The following FHIT variants were observed in gnomAD, a reference collection of about 807,000 sequenced individuals.
The protein encoded by FHIT is bis(5'-adenosyl)-triphosphatase.
A neutral mutation model predicts 17.9 loss-of-function variants in FHIT; 19 were observed. That is an observed-to-expected ratio of 1.06 (90% CI 0.74 to 1.56). The LOEUF is 1.56. FHIT is among the 40% of genes most tolerant of loss of function. The probability of loss-of-function intolerance (pLI) is 0.00; values close to 1 mark genes in which losing one functional copy is unlikely to be tolerated. For synonymous variants in FHIT, 81 were observed against 69.7 expected (o/e 1.16, Z -0.81); for missense variants, 248 against 189.2 (o/e 1.31, Z -1.82).
At chr3:60,570,126 G>C (rs2037323339) in intron 4 of FHIT, among the ~76,000 whole-genome samples, 1 of 151,996 alleles carries the variant, frequency 6.6e-6, no homozygotes, top group Non-Finnish European at 1.5e-5. Context: ...AAGCTCCCCA[G>C]GTAATTCCAT....
rs117257128 is a variant in FHIT, at chr3:61,242,167, C to A, written c.-213+9134G>T. ...ATGCATTTTCTATGAGTCAGAAAAA[C>A]AACTTTCCAAAGGAAAGGGTCTGAA... On this transcript the variant is annotated intron_variant, in intron 1 of 9. Coordinates refer to ENST00000492590, the MANE Select transcript of FHIT (RefSeq NM_002012.4). Among the ~76,000 whole-genome samples the A allele has an allele frequency of 4.6e-3, 703 of 152,092 alleles. 7 individuals carry two copies. Among genetic ancestry groups the A allele is most frequent in the East Asian group, 0.038 (197 of 5,164 alleles).
intron 8 of FHIT, among the ~76,000 whole-genome samples, chr3:59,795,492 T>C (rs1699742864): frequency 6.6e-6 from 1 of 151,768 alleles, no homozygotes; most frequent in African/African-American, 2.4e-5. Flanking sequence ...AGAGTGAGGG[T>C]AAGTTTAATT....
At chr3:60,495,240 T>C (rs1360900752) in intron 5 of FHIT, among the ~76,000 whole-genome samples, 1 of 151,694 alleles carries the variant, frequency 6.6e-6, no homozygotes, top group African/African-American at 2.4e-5. Flanking sequence ...TGAGCACCTT[T>C]TCATATGCCT....
intron 8 of FHIT, among the ~76,000 whole-genome samples, chr3:59,774,694 A>T (rs756495049): frequency 9.9e-5 from 15 of 152,182 alleles, no homozygotes; most frequent in African/African-American, 1.7e-4. Context: ...TTAAAGACCT[A>T]GGAGAGTGGC....
At chr3:60,659,925 C>G (rs568963470) in intron 4 of FHIT, among the ~76,000 whole-genome samples, 9 of 152,092 alleles carry the variant, frequency 5.9e-5, no homozygotes, top group African/African-American at 2.2e-4. Flanking sequence ...TCCCCTTCCC[C>G]AGGGTTTGCT....
intron 5 of FHIT, among the ~76,000 whole-genome samples, chr3:60,242,069 C>A (rs570294934): frequency 2.0e-5 from 3 of 151,842 alleles, no homozygotes; most frequent in African/African-American, 7.3e-5. Flanking sequence ...TACACTAAAA[C>A]TTCATTGATT....
intron 5 of FHIT, among the ~76,000 whole-genome samples, chr3:60,317,617 ATGTGTG>A (rs71950103): frequency 1.1e-4 from 15 of 141,024 alleles, no homozygotes; most frequent in Middle Eastern, 7.2e-3. Flanking sequence ...GTAATTATAT[ATGTGTG>A]TGTGTGTGTG....
intron 8 of FHIT, among the ~76,000 whole-genome samples, chr3:59,855,894 C>T (rs1702135145): frequency 6.6e-6 from 1 of 151,682 alleles, no homozygotes; most frequent in African/African-American, 2.4e-5. Context: ...CATTTTCCTG[C>T]CTCAGCCTCC....
intron 3 of FHIT, among the ~76,000 whole-genome samples, chr3:61,006,301 T>C (rs1377936992): frequency 1.3e-5 from 2 of 152,178 alleles, no homozygotes; most frequent in African/African-American, 4.8e-5. Flanking sequence ...GCAGTATTTT[T>C]TAAGGAAATT....
intron 5 of FHIT, among the ~76,000 whole-genome samples, chr3:60,419,676 TTCTC>T (rs1702398226): frequency 6.6e-6 from 1 of 152,164 alleles, no homozygotes; most frequent in Non-Finnish European, 1.5e-5. Context: ...AGTTCCGTCT[TTCTC>T]TAATTTCTTA....
At chr3:61,108,864 G>T (rs2036070586) in intron 2 of FHIT, among the ~76,000 whole-genome samples, 1 of 152,112 alleles carries the variant, frequency 6.6e-6, no homozygotes, top group Non-Finnish European at 1.5e-5. Context: ...TATGATTAAG[G>T]TTTCCTCTTT....
rs371937112 is a variant in FHIT at position 59,948,010 on chromosome 3, T to C, written c.280-25596A>G. Among the ~76,000 whole-genome samples the C allele has an allele frequency of 3.3e-5, 5 of 152,304 alleles. No homozygotes were observed. The East Asian group carries it at 5.8e-4, about 18-fold the overall frequency. On this transcript the variant is annotated intron_variant, in intron 7 of 9. Coordinates refer to ENST00000492590, the MANE Select transcript of FHIT (RefSeq NM_002012.4). Reference sequence around the variant, plus strand: ...CTTTTTATTGCTGGGTAATATTCTATGGTATAGATGTACCACTGTTTGTTT... The same window carrying C: ...CTTTTTATTGCTGGGTAATATTCTACGGTATAGATGTACCACTGTTTGTTT...
intron 4 of FHIT, among the ~76,000 whole-genome samples, chr3:60,743,071 C>T (rs782448280): frequency 7.9e-5 from 12 of 152,112 alleles, no homozygotes; most frequent in Non-Finnish European, 1.3e-4. Flanking sequence ...CAGAACAGAG[C>T]GGGAGGCACT....
intron 1 of FHIT, among the ~76,000 whole-genome samples, chr3:61,235,896 T>C (rs2040219166): frequency 6.6e-6 from 1 of 152,126 alleles, no homozygotes; most frequent in African/African-American, 2.4e-5. Context: ...TCCAGTACTT[T>C]CACTAAAAGC....
At chr3:60,895,099 C>A (rs952500774) in intron 3 of FHIT, among the ~76,000 whole-genome samples, 5 of 152,164 alleles carry the variant, frequency 3.3e-5, no homozygotes, top group Admixed American at 6.5e-5. Flanking sequence ...GTCTCTTTAG[C>A]CTCCTTGAAG....
At chr3:59,904,065 C>A (rs1704463281) in intron 8 of FHIT, among the ~76,000 whole-genome samples, 1 of 150,902 alleles carries the variant, frequency 6.6e-6, no homozygotes, top group Non-Finnish European at 1.5e-5. Context: ...GTGGCTACTT[C>A]TTTTTTTTTC....
At chr3:60,662,382 C>T (rs1272889082) in intron 4 of FHIT, among the ~76,000 whole-genome samples, 1 of 152,146 alleles carries the variant, frequency 6.6e-6, no homozygotes, top group African/African-American at 2.4e-5. Flanking sequence ...GTTCTCTATT[C>T]TGCTCCATTC....
At chr3:60,351,651 T>C (rs1699400531) in intron 5 of FHIT, among the ~76,000 whole-genome samples, 1 of 152,204 alleles carries the variant, frequency 6.6e-6, no homozygotes, top group African/African-American at 2.4e-5. Context: ...CACCATGATG[T>C]GGTGAGGAAA....
At chr3:60,842,625 G>A (rs1231373191) in intron 3 of FHIT, among the ~76,000 whole-genome samples, 25 of 90,932 alleles carry the variant, frequency 2.7e-4, no homozygotes, top group African/African-American at 1.2e-3. Context: ...ATATATATAT[G>A]AGTGTATATA....
Sources: gnomAD v4.1 joint callset for allele counts (sites outside exome capture counted in the v4.1 genomes callset) on GRCh38, gnomAD v4.1.1 for gene constraint, MANE v1.5 for transcripts, NCBI Gene and HGNC (gene_info 2026-07-23, HGNC 2026-07-21) for gene names.